Variants in ASIC2 observed in about 807,000 individuals in gnomAD.
The protein encoded by ASIC2 is acid sensing ion channel subunit 2, also known as acid-sensing ion channel 2.
In ASIC2, 25 loss-of-function variants were observed where a neutral mutation model predicts 57.3. The ratio of observed to expected loss-of-function variants is 0.44; its 90% CI spans 0.32 to 0.61. The LOEUF is 0.61. Among genes scored for constraint, ASIC2 ranks in the 20% least tolerant of loss-of-function variants. The pLI is 0.06. For missense variants in ASIC2, 641 were observed against 738.1 expected, an observed-to-expected ratio of 0.87 and a Z score of 1.52; for synonymous variants, 319 against 307.5, an observed-to-expected ratio of 1.04 and a Z score of -0.39.
intron 1 of ASIC2, among the ~76,000 whole-genome samples, chr17:33,856,863 G>A (rs531603513): frequency 8.5e-5 from 13 of 152,128 alleles, no homozygotes; most frequent in Non-Finnish European, 1.9e-4. Flanking sequence ...TAGCTAGAAG[G>A]TGAGGCTGAA....
chr17:33,887,051 A>G (rs1032429677), intron 1 of ASIC2, among the ~76,000 whole-genome samples: 1 of 152,186 alleles, frequency 6.6e-6, no homozygotes, highest in Non-Finnish European at 1.5e-5. Context: ...TGAAAACCTC[A>G]TCAAGTTAAT....
At chr17:33,262,764 C>T (rs985815553) in intron 1 of ASIC2, among the ~76,000 whole-genome samples, 2 of 152,102 alleles carry the variant, frequency 1.3e-5, no homozygotes, top group Non-Finnish European at 2.9e-5. Flanking sequence ...CATGTAATCA[C>T]ACATTGTGCT....
chr17:33,717,122 C>T (rs1909248572), intron 1 of ASIC2, among the ~76,000 whole-genome samples: 3 of 152,204 alleles, frequency 2.0e-5, no homozygotes, highest in Admixed American at 6.5e-5. Context: ...TAAAGTGAGA[C>T]TTTGATGTCA....
At chr17:33,619,311 T>C (rs1185807301) in intron 1 of ASIC2, among the ~76,000 whole-genome samples, 1 of 152,328 alleles carries the variant, frequency 6.6e-6, no homozygotes, top group African/African-American at 2.4e-5. Flanking sequence ...AATTTCAACA[T>C]ATGAAGAGCT....
At chr17:34,103,128 T>G (rs1339037622) in intron 1 of ASIC2, among the ~76,000 whole-genome samples, 1 of 152,168 alleles carries the variant, frequency 6.6e-6, no homozygotes, top group Non-Finnish European at 1.5e-5. Context: ...TGATCAGAGT[T>G]TTTGTTTCTT....
chr17:33,273,426 G>T lies in ASIC2; in HGVS notation c.708+17982C>A, dbSNP rs572673882. ...GTTACTCTCTGCCCAGGAACCCTGG[G>T]GGCTGTGTGTACTCAGCAGAGCTGT... is the stretch of plus-strand genomic sequence containing the variant. On this transcript the variant is annotated intron_variant, in intron 1 of 9. Transcript: ENST00000225823. 2.6e-5 allele frequency among the ~76,000 whole-genome samples: 4 copies of T among 152,268 alleles called. No individual in the cohort carries two copies. The East Asian group carries it at 5.8e-4, about 22-fold the overall frequency.
At chr17:33,423,703 C>G (rs946087496) in intron 1 of ASIC2, among the ~76,000 whole-genome samples, 1 of 151,904 alleles carries the variant, frequency 6.6e-6, no homozygotes, top group Non-Finnish European at 1.5e-5. Context: ...ACCAGTGACT[C>G]TCTTGGGGTT....
At chr17:33,960,880 A>G (rs1490702909) in intron 1 of ASIC2, among the ~76,000 whole-genome samples, 1 of 152,178 alleles carries the variant, frequency 6.6e-6, no homozygotes, top group African/African-American at 2.4e-5. Flanking sequence ...GCCCCGCGAG[A>G]GTCAGATCCG....
chr17:33,732,062 T>C (rs1239750762), intron 1 of ASIC2, among the ~76,000 whole-genome samples: 2 of 152,200 alleles, frequency 1.3e-5, no homozygotes, highest in African/African-American at 4.8e-5. Context: ...AATTTGGCCA[T>C]CTCCACCAAA....
At chr17:33,750,263 G>A (rs982081689) in intron 1 of ASIC2, among the ~76,000 whole-genome samples, 5 of 152,108 alleles carry the variant, frequency 3.3e-5, no homozygotes, top group Non-Finnish European at 7.4e-5. Flanking sequence ...CCAGGACCCT[G>A]GGCAACCCCT....
At chr17:33,871,100 C>T (rs1196465460) in intron 1 of ASIC2, among the ~76,000 whole-genome samples, 1 of 152,178 alleles carries the variant, frequency 6.6e-6, no homozygotes, top group East Asian at 1.9e-4. Flanking sequence ...GTCCCCTCCT[C>T]CTCTCCCTTC....
intron 1 of ASIC2, among the ~76,000 whole-genome samples, chr17:33,661,983 A>C (rs1597825783): frequency 2.0e-5 from 3 of 152,254 alleles, no homozygotes; most frequent in Admixed American, 2.0e-4. Flanking sequence ...TCTCCCAGCA[A>C]CACCCTTGGG....
chr17:33,147,081 TA>T (rs1382940091), intron 1 of ASIC2, among the ~76,000 whole-genome samples: 1 of 152,226 alleles, frequency 6.6e-6, no homozygotes, highest in African/African-American at 2.4e-5. Context: ...AGTAAGAACT[TA>T]ATAACTATCA....
At chr17:34,026,332 T>C (rs1907378235) in intron 1 of ASIC2, among the ~76,000 whole-genome samples, 1 of 152,142 alleles carries the variant, frequency 6.6e-6, no homozygotes, top group South Asian at 2.1e-4. Flanking sequence ...TGCATGAAGT[T>C]AATTTAGCTT....
At chr17:34,067,022 T>G (rs1339537259) in intron 1 of ASIC2, among the ~76,000 whole-genome samples, 1 of 152,330 alleles carries the variant, frequency 6.6e-6, no homozygotes, top group Non-Finnish European at 1.5e-5. Context: ...ACTGCTGCCC[T>G]CAGGCAGCTG....
chr17:33,191,057 C>G (rs1315439657), intron 1 of ASIC2, among the ~76,000 whole-genome samples: 1 of 152,076 alleles, frequency 6.6e-6, no homozygotes, highest in Non-Finnish European at 1.5e-5. Context: ...GTAGGAGCCC[C>G]GAACTGGAAA....
chr17:33,833,605 C>T (rs1913183319), intron 1 of ASIC2, among the ~76,000 whole-genome samples: 3 of 151,946 alleles, frequency 2.0e-5, no homozygotes, highest in African/African-American at 7.3e-5. Flanking sequence ...GTGTATCCCC[C>T]ATCAAATGTC....
intron 1 of ASIC2, chr17:33,955,522 G>A (rs1740710608): frequency 6.6e-6 from 1 of 152,224 alleles, no homozygotes; most frequent in Admixed American, 6.5e-5. Flanking sequence ...GGCAGGGGTA[G>A]TTCCTTCCTA....
intron 1 of ASIC2, among the ~76,000 whole-genome samples, chr17:34,066,271 G>A (rs932740286): frequency 6.6e-6 from 1 of 152,184 alleles, no homozygotes; most frequent in African/African-American, 2.4e-5. Flanking sequence ...TGGAACCACT[G>A]GTTAATTAAG....
Sources: gnomAD v4.1 joint callset for allele counts (sites outside exome capture counted in the v4.1 genomes callset) on GRCh38, gnomAD v4.1.1 for gene constraint, MANE v1.5 for transcripts, NCBI Gene and HGNC (gene_info 2026-07-23, HGNC 2026-07-21) for gene names.